ZC3H3: variants seen among roughly 807,000 people sequenced by gnomAD.
ZC3H3 encodes zinc finger CCCH-type containing 3.
In ZC3H3, 36 loss-of-function variants were observed where a neutral mutation model predicts 77.3. The ratio of observed to expected loss-of-function variants is 0.47; its 90% CI spans 0.36 to 0.61. The LOEUF is 0.61. Among genes scored for constraint, ZC3H3 ranks in the 20% least tolerant of loss-of-function variants. The pLI is 0.00. For missense variants in ZC3H3, 1,331 were observed against 1,312.2 expected (o/e 1.01, Z -0.22); for synonymous variants, 626 against 555.2 (o/e 1.13, Z -1.79).
At chr8:143,442,305 G>A (rs531604648) in intron 9 of ZC3H3, among the ~76,000 whole-genome samples, 2 of 151,688 alleles carry the variant, frequency 1.3e-5, no homozygotes, top group African/African-American at 2.4e-5. Context: ...TCTACACAGC[G>A]CCTCGCAGTG....
Position 143,437,915 on chromosome 8 carries a change from G to T in ZC3H3, c.*141C>A. 1 of 1,201,938 alleles carries T rather than the reference G, an allele frequency of 8.3e-7. No homozygotes were observed. 74.5% of individuals were successfully genotyped at this position (1,201,938 alleles called of 1,614,324 possible). On this transcript the variant is annotated 3_prime_UTR_variant, in exon 12 of 12. Transcript: ENST00000262577. ...GCTGGTCATGGAAGGTTGAGGGCCA[G>T]GCAGGCAGAGCAGTGTCCCTGTGGC...
intron 4 of ZC3H3, among the ~76,000 whole-genome samples, chr8:143,486,287 A>G (rs993212491): frequency 6.6e-6 from 1 of 152,244 alleles, no homozygotes; most frequent in East Asian, 1.9e-4. Context: ...GGCTGCTGCC[A>G]TGGAATGCTC....
At chr8:143,505,714 G>A (rs1821669511) in intron 4 of ZC3H3, among the ~76,000 whole-genome samples, 1 of 152,198 alleles carries the variant, frequency 6.6e-6, no homozygotes, top group South Asian at 2.1e-4. Flanking sequence ...GCATCCTGGG[G>A]CGGACTCAGC....
intron 3 of ZC3H3, among the ~76,000 whole-genome samples, chr8:143,531,057 C>T (rs1046293167): frequency 6.6e-6 from 1 of 151,624 alleles, no homozygotes; most frequent in African/African-American, 2.4e-5. Flanking sequence ...CCTCCCAGAC[C>T]TAAGCAATCC....
At chr8:143,511,073 T>C (rs934845450) in intron 3 of ZC3H3, among the ~76,000 whole-genome samples, 5 of 152,274 alleles carry the variant, frequency 3.3e-5, no homozygotes, top group Non-Finnish European at 4.4e-5. Context: ...GAATGAGATA[T>C]GAGCCCATCC....
chr8:143,503,111 A>ACC (rs1821574972), intron 4 of ZC3H3, among the ~76,000 whole-genome samples: 1 of 152,178 alleles, frequency 6.6e-6, no homozygotes, highest in East Asian at 1.9e-4. Flanking sequence ...GAGGTGGCAC[A>ACC]TGGCCAGCAC....
rs915072598 is a variant in ZC3H3, at chr8:143,440,061, G to A, written c.2795C>T (p.Ala932Val). The A allele has an allele frequency of 3.2e-6, 5 of 1,565,194 alleles. No homozygotes were observed. The highest frequency in any genetic ancestry group is 2.3e-5 in the South Asian group (2 of 85,830). ...CCTACCTGAGTCCTTGGTGAGGGGGGCCCTAGGGGCCCGGACCCTGGGCTG... is the reference window on the plus strand; with the variant it reads ...CCTACCTGAGTCCTTGGTGAGGGGGACCCTAGGGGCCCGGACCCTGGGCTG... Reference protein sequence around the residue: ...GAQPRVRAPRAPLTKDSGKPL... With the variant: ...GAQPRVRAPRVPLTKDSGKPL... The change falls in exon 11 of 12, where the codon GCC becomes GTC. Residue 932 changes from alanine (A) to valine (V), a missense_variant. By Grantham distance (64) the Ala-to-Val change is moderately conservative. This residue lies in a region of ZC3H3 where 249 missense variants were observed against 236.9 expected (regional missense o/e 1.05). Transcript: ENST00000262577.
At chr8:143,492,219 G>T (rs1383211739) in intron 4 of ZC3H3, among the ~76,000 whole-genome samples, 1 of 152,168 alleles carries the variant, frequency 6.6e-6, no homozygotes, top group Non-Finnish European at 1.5e-5. Context: ...GGGGAGGAGT[G>T]TGCTGGCCTT....
intron 9 of ZC3H3, among the ~76,000 whole-genome samples, chr8:143,450,614 G>A (rs1037118891): frequency 1.2e-4 from 19 of 152,286 alleles, no homozygotes; most frequent in African/African-American, 3.8e-4. Context: ...AAGGGGAGGC[G>A]AGGCACTTCA....
chr8:143,454,821 T>C (rs759190916), intron 9 of ZC3H3, among the ~76,000 whole-genome samples: 1 of 152,198 alleles, frequency 6.6e-6, no homozygotes, highest in Non-Finnish European at 1.5e-5. Flanking sequence ...CCACACTGTA[T>C]ACACGACCTA....
intron 4 of ZC3H3, among the ~76,000 whole-genome samples, chr8:143,495,993 T>A (rs1821340207): frequency 6.6e-6 from 1 of 152,176 alleles, no homozygotes. Context: ...CATGTGGACC[T>A]CTAGTTAGTG....
chr8:143,525,622 G>A (rs1038631819), intron 3 of ZC3H3, among the ~76,000 whole-genome samples: 11 of 152,326 alleles, frequency 7.2e-5, no homozygotes, highest in Non-Finnish European at 1.2e-4. Flanking sequence ...TGCGGTCACC[G>A]GACTCAGCCC....
intron 9 of ZC3H3, among the ~76,000 whole-genome samples, chr8:143,458,399 C>T (rs901886338): frequency 6.8e-6 from 1 of 148,122 alleles, no homozygotes; most frequent in Non-Finnish European, 1.5e-5. Flanking sequence ...ATAACTCCAG[C>T]ATTTAGGGAG....
At chr8:143,477,683 C>T (rs190903500) in intron 4 of ZC3H3, among the ~76,000 whole-genome samples, 75 of 152,310 alleles carry the variant, frequency 4.9e-4, no homozygotes, top group Non-Finnish European at 9.6e-4. Flanking sequence ...TCTGACCTTC[C>T]ACAGGAGCTA....
chr8:143,471,760 A>AC (rs1336205080), intron 5 of ZC3H3, among the ~76,000 whole-genome samples: 4 of 152,076 alleles, frequency 2.6e-5, no homozygotes, highest in African/African-American at 9.7e-5. Context: ...AGCCACCCCC[A>AC]CCCCTTCCAA....
rs1809147 is a variant in ZC3H3, at chr8:143,515,909, C to T, written c.1562-8010G>A. Among the ~76,000 whole-genome samples, 1,283 of 152,334 alleles carry T rather than the reference C, an allele frequency of 8.4e-3. 9 individuals are homozygous for T. The highest frequency in any genetic ancestry group is 0.029 in the African/African-American group (1,215 of 41,584). On this transcript the variant is annotated intron_variant, in intron 3 of 11. Coordinates refer to ENST00000262577, the MANE Select transcript of ZC3H3 (RefSeq NM_015117.3). ...CCCTGGCTGTGCTGGCACAGGCTCA[C>T]TGCCCACCTGGAGCCAGCCCCAGGG... is the stretch of plus-strand genomic sequence containing the variant.
intron 4 of ZC3H3, among the ~76,000 whole-genome samples, chr8:143,485,216 T>C (rs1821020565): frequency 6.6e-6 from 1 of 152,170 alleles, no homozygotes; most frequent in African/African-American, 2.4e-5. Context: ...GGGCCAGGGA[T>C]CTGAAGTGTT....
chr8:143,518,988 G>A (rs1162038960), intron 3 of ZC3H3, among the ~76,000 whole-genome samples: 2 of 152,226 alleles, frequency 1.3e-5, no homozygotes, highest in Non-Finnish European at 2.9e-5. Context: ...AGCCCCAGCA[G>A]CAATGCCTGC....
At chr8:143,482,231 C>CT (rs1474623425) in intron 4 of ZC3H3, among the ~76,000 whole-genome samples, 3 of 152,252 alleles carry the variant, frequency 2.0e-5, no homozygotes, top group African/African-American at 7.2e-5. Flanking sequence ...TTTGCACGTG[C>CT]TGTCCCTCTG....
Sources: allele counts gnomAD v4.1 joint callset (sites outside exome capture counted in the v4.1 genomes callset), GRCh38; gene constraint gnomAD v4.1.1; regional missense constraint gnomAD v4.1.1; transcripts MANE v1.5; gene names NCBI Gene and HGNC (gene_info 2026-07-23, HGNC 2026-07-21).